Variants in FGF14 observed in about 807,000 individuals in gnomAD.
FGF14 encodes fibroblast growth factor homologous factor 4.
Under a neutral mutation model 25.5 loss-of-function variants are expected in FGF14, and 5 were observed. The observed-to-expected ratio is 0.20, with a 90% CI of 0.10 to 0.41. The LOEUF (loss-of-function observed/expected upper bound fraction) is 0.41. Ranked by LOEUF, FGF14 falls within the 10% of genes least tolerant of loss-of-function variation. FGF14 has a pLI of 1.00. For missense variants in FGF14, 222 were observed against 320.1 expected, an observed-to-expected ratio of 0.69 and a Z score of 2.34; for synonymous variants, 138 against 118.3, an observed-to-expected ratio of 1.17 and a Z score of -1.08.
chr13:102,086,372 T>C (rs2043900612), intron 1 of FGF14, among the ~76,000 whole-genome samples: 1 of 151,886 alleles, frequency 6.6e-6, no homozygotes, highest in Non-Finnish European at 1.5e-5. Context: ...CTACTAAAAA[T>C]ACAAAATATT....
chr13:102,178,798 GATAT>G (rs926116286), intron 1 of FGF14, among the ~76,000 whole-genome samples: 23 of 152,050 alleles, frequency 1.5e-4, no homozygotes, highest in Middle Eastern at 3.4e-3. Context: ...AAAGTTGTGA[GATAT>G]ATATATGTGT....
intron 1 of FGF14, among the ~76,000 whole-genome samples, chr13:102,054,254 T>C (rs903156757): frequency 5.9e-5 from 9 of 152,216 alleles, no homozygotes; most frequent in African/African-American, 2.2e-4. Flanking sequence ...CTCACACTTT[T>C]TGATGTGGCA....
chr13:101,767,262 C>A (rs930290027), intron 3 of FGF14, among the ~76,000 whole-genome samples: 4 of 152,110 alleles, frequency 2.6e-5, no homozygotes, highest in Non-Finnish European at 5.9e-5. Context: ...ACCATCGCTG[C>A]CTTTGAGAAT....
At chr13:101,956,638 C>G (rs1483400451) in intron 1 of FGF14, among the ~76,000 whole-genome samples, 1 of 151,882 alleles carries the variant, frequency 6.6e-6, no homozygotes, top group Non-Finnish European at 1.5e-5. Flanking sequence ...AATATAATAT[C>G]CACAAGCTAT....
At chr13:101,870,071 G>A (rs1055912419) in intron 2 of FGF14, among the ~76,000 whole-genome samples, 3 of 152,104 alleles carry the variant, frequency 2.0e-5, no homozygotes, top group Admixed American at 1.3e-4. Context: ...GGCATCTATG[G>A]TTAGTTGGAT....
chr13:101,818,757 A>G (rs1174508859), intron 3 of FGF14, among the ~76,000 whole-genome samples: 1 of 152,212 alleles, frequency 6.6e-6, no homozygotes, highest in Non-Finnish European at 1.5e-5. Context: ...CTAACTTAAG[A>G]TAAACAAAGG....
chr13:101,812,630 TATATATATATATATATATATA>T (rs1229375770), intron 3 of FGF14, among the ~76,000 whole-genome samples: 1 of 11,388 alleles, frequency 8.8e-5, no homozygotes, highest in Non-Finnish European at 2.6e-4. Flanking sequence ...TATATATATA[TATATATATATATATATATATA>T]TATTTTTTTT....
chr13:101,947,240 T>C (rs1481150246), intron 1 of FGF14, among the ~76,000 whole-genome samples: 1 of 152,200 alleles, frequency 6.6e-6, no homozygotes, highest in Admixed American at 6.5e-5. Flanking sequence ...GGTGGGAATA[T>C]AAATTAGTTC....
At chr13:102,003,244 G>A (rs4387463) in intron 1 of FGF14, 1 of 152,262 alleles carries the variant, frequency 6.6e-6, no homozygotes, top group African/African-American at 2.4e-5. Flanking sequence ...ATATTGCTTA[G>A]AATATGTCCA....
chr13:102,207,232 A>T (rs2049966416), intron 1 of FGF14, among the ~76,000 whole-genome samples: 1 of 152,080 alleles, frequency 6.6e-6, no homozygotes, highest in African/African-American at 2.4e-5. Flanking sequence ...GTGAGCCGAG[A>T]TCATGCCACT....
intron 1 of FGF14, among the ~76,000 whole-genome samples, chr13:102,151,028 T>C (rs576585004): frequency 1.6e-4 from 24 of 152,208 alleles, no homozygotes; most frequent in East Asian, 3.8e-4. Context: ...ATTACGCTTT[T>C]TTAAAGCACT....
chr13:102,378,147 T>A (rs897002329), intron 1 of FGF14, among the ~76,000 whole-genome samples: 8 of 152,160 alleles, frequency 5.3e-5, no homozygotes, highest in African/African-American at 1.7e-4. Flanking sequence ...TATATTTGTC[T>A]AAACCCATGG....
intron 1 of FGF14, among the ~76,000 whole-genome samples, chr13:102,289,433 T>C (rs2054268463): frequency 6.6e-6 from 1 of 152,182 alleles, no homozygotes. Context: ...CCAAAAGTTA[T>C]TTGATGTAAC....
At chr13:102,247,371 A>T (rs563733695) in intron 1 of FGF14, among the ~76,000 whole-genome samples, 1 of 152,160 alleles carries the variant, frequency 6.6e-6, no homozygotes, top group Non-Finnish European at 1.5e-5. Context: ...TAAAGAACTT[A>T]AAGAAATTTA....
At chr13:102,275,453 T>A (rs2053490792) in intron 1 of FGF14, among the ~76,000 whole-genome samples, 1 of 152,164 alleles carries the variant, frequency 6.6e-6, no homozygotes, top group Admixed American at 6.6e-5. Flanking sequence ...TAGAATGGAT[T>A]TCTCTCCTAA....
chr13:101,974,809 A>C (rs1223562225), intron 1 of FGF14, among the ~76,000 whole-genome samples: 1 of 152,320 alleles, frequency 6.6e-6, no homozygotes, highest in South Asian at 2.1e-4. Context: ...AAATTACCAC[A>C]TAATGTACCA....
chr13:102,372,621 T>C (rs1359632380), intron 1 of FGF14, among the ~76,000 whole-genome samples: 2 of 152,098 alleles, frequency 1.3e-5, no homozygotes, highest in African/African-American at 4.8e-5. Context: ...AACAGGAAAC[T>C]CATTTTGGTA....
intron 3 of FGF14, among the ~76,000 whole-genome samples, chr13:101,808,305 C>G (rs967319911): frequency 6.6e-6 from 1 of 151,940 alleles, no homozygotes; most frequent in Non-Finnish European, 1.5e-5. Flanking sequence ...CTTCTGTTAT[C>G]CTTTTCATCT....
chr13:102,266,698 CAG>C (rs762250754), intron 1 of FGF14, among the ~76,000 whole-genome samples: 1 of 151,882 alleles, frequency 6.6e-6, no homozygotes, highest in Non-Finnish European at 1.5e-5. Context: ...TCAAAGAAAA[CAG>C]AGATAAAACA....
Sources: gnomAD v4.1 joint callset for allele counts (sites outside exome capture counted in the v4.1 genomes callset) on GRCh38, gnomAD v4.1.1 for gene constraint, MANE v1.5 for transcripts, NCBI Gene and HGNC (gene_info 2026-07-23, HGNC 2026-07-21) for gene names.